The following COL4A6 variants were observed in gnomAD, a reference collection of about 807,000 sequenced individuals.
The protein encoded by COL4A6 is collagen type IV alpha 6 chain.
Under a neutral mutation model 126.7 loss-of-function variants are expected in COL4A6, and 59 were observed. The ratio of observed to expected loss-of-function variants is 0.47; its 90% CI spans 0.38 to 0.58. The LOEUF is 0.58. COL4A6 is among the 20% of genes least tolerant of loss of function. The pLI, the probability that COL4A6 is intolerant of heterozygous loss-of-function variation, is 0.00. For synonymous variants in COL4A6, 547 were observed against 496.6 expected (o/e 1.10, Z -1.35); for missense variants, 1,285 against 1,337.3 (o/e 0.96, Z 0.61).
At chrX:108,416,259 G>A (rs1478871414) in intron 2 of COL4A6, among the ~76,000 whole-genome samples, 1 of 111,429 alleles carries the variant, frequency 9.0e-6, no homozygotes, top group Non-Finnish European at 1.9e-5. Context: ...TTTGCAAAAT[G>A]GAATAATAAT....
intron 2 of COL4A6, among the ~76,000 whole-genome samples, chrX:108,343,995 GT>G (rs915569493): frequency 1.0e-4 from 11 of 108,893 alleles, no homozygotes; most frequent in African/African-American, 2.0e-4. Flanking sequence ...AAAATTGCAT[GT>G]TTTTTTTTCC....
chrX:108,248,916 G>T (rs975460154), intron 3 of COL4A6, among the ~76,000 whole-genome samples: 2 of 109,846 alleles, frequency 1.8e-5, no homozygotes, highest in African/African-American at 6.6e-5. Context: ...ACACTACTGT[G>T]AACTGCACAT....
chrX:108,417,588 A>G (rs2041458382), intron 2 of COL4A6, among the ~76,000 whole-genome samples: 1 of 111,598 alleles, frequency 9.0e-6, no homozygotes, highest in Non-Finnish European at 1.9e-5. Context: ...CTACCAAATT[A>G]TTGTTCTTTG....
intron 33 of COL4A6, among the ~76,000 whole-genome samples, 177 bp from the exon 34 acceptor site, chrX:108,171,094 A>C (rs1050459438): frequency 2.7e-5 from 3 of 112,540 alleles, no homozygotes; most frequent in African/African-American, 9.7e-5. Context: ...GAAGCAAGTA[A>C]ATTTGTTATG....
intron 2 of COL4A6, among the ~76,000 whole-genome samples, chrX:108,381,501 C>T (rs1286735727): frequency 8.9e-6 from 1 of 111,974 alleles, no homozygotes; most frequent in Non-Finnish European, 1.9e-5. Context: ...ATAATTATAT[C>T]AATACTTTCA....
intron 2 of COL4A6, among the ~76,000 whole-genome samples, chrX:108,348,499 C>T (rs2039765267): frequency 9.0e-6 from 1 of 111,641 alleles, no homozygotes; most frequent in Non-Finnish European, 1.9e-5. Context: ...CATGAGTTTT[C>T]TAAATTTCCT....
chrX:108,279,521 T>C (rs918131669), intron 3 of COL4A6, among the ~76,000 whole-genome samples: 52 of 111,562 alleles, frequency 4.7e-4, no homozygotes, highest in Non-Finnish European at 3.8e-5. Flanking sequence ...CAAAGAGACT[T>C]AGATTCCCAC....
Position 108,173,461 on chromosome X carries a change from GGTGTGTGTGTGTGT to G in COL4A6, c.3139-943_3139-930del, listed in dbSNP as rs56782024. 6.9e-5 allele frequency among the ~76,000 whole-genome samples: 7 copies of G among 101,094 alleles called. No individual in the cohort carries two copies. In the South Asian group the frequency reaches 1.9e-3, roughly 27 times the overall value. 87.8% of individuals were successfully genotyped at this position (101,094 alleles called of 115,157 possible). A position where few individuals can be genotyped will look rare whatever the true frequency, so the allele number is the denominator to read the frequency against. ...GAACTATTTATTTTCAATTGCTTCA[GGTGTGTGTGTGTGT>G]GTGTGTGTGTGTGTGTGTGTGTGCA... On this transcript the variant is annotated intron_variant, in intron 31 of 44. Coordinates refer to ENST00000334504, the MANE Select transcript of COL4A6 (RefSeq NM_033641.4).
chrX:108,400,157 C>A (rs1009845572), intron 2 of COL4A6, among the ~76,000 whole-genome samples: 7 of 111,660 alleles, frequency 6.3e-5, no homozygotes, highest in Middle Eastern at 4.6e-3. Flanking sequence ...GAAGTGATTT[C>A]TTTGCCCTCT....
intron 2 of COL4A6, among the ~76,000 whole-genome samples, chrX:108,365,456 A>C (rs1348388985): frequency 8.9e-6 from 1 of 111,841 alleles, no homozygotes; most frequent in Non-Finnish European, 1.9e-5. Flanking sequence ...TTTTGTACCC[A>C]CAGTGGCTTA....
chrX:108,249,288 T>C (rs761255325), intron 3 of COL4A6, among the ~76,000 whole-genome samples: 1 of 110,621 alleles, frequency 9.0e-6, no homozygotes, highest in African/African-American at 3.3e-5. Flanking sequence ...ACTTCCTGAA[T>C]AAACTGCTTG....
chrX:108,174,505 G>A lies in COL4A6; in HGVS notation c.3073C>T (p.Arg1025Trp), dbSNP rs747433163. 5.1e-5 allele frequency: 62 copies of A among 1,209,211 alleles called. No homozygotes were observed. The highest frequency in any genetic ancestry group is 2.3e-4 in the Middle Eastern group (1 of 4,343). ...KPGPPGFMGI[R>W]GLPGLKGSSG... Reference sequence around the variant, plus strand: ...GACCCCTTCAGGCCAGGTAAGCCCCGGATTCCCATGAAGCCAGGGGGCCCT... The same window carrying A: ...GACCCCTTCAGGCCAGGTAAGCCCCAGATTCCCATGAAGCCAGGGGGCCCT... The change falls in exon 31 of 45, where the codon CGG (arginine) becomes TGG (tryptophan). Residue 1025 changes from arginine to tryptophan, a missense_variant. Transcript: ENST00000334504.
At chrX:108,319,349 CCT>C (rs2038965625) in intron 2 of COL4A6, among the ~76,000 whole-genome samples, 1 of 111,507 alleles carries the variant, frequency 9.0e-6, no homozygotes, top group Non-Finnish European at 1.9e-5. Context: ...AGAGTGAGAC[CCT>C]CTCTAAAAAA....
intron 2 of COL4A6, among the ~76,000 whole-genome samples, chrX:108,415,668 TTTCTTAAAG>T (rs1326384552): frequency 1.8e-5 from 2 of 111,829 alleles, no homozygotes; most frequent in Non-Finnish European, 3.8e-5. Context: ...TGAGAATGAG[TTTCTTAAAG>T]TTCACTCTGG....
At chrX:108,191,783 C>A (rs780113880) in intron 18 of COL4A6, among the ~76,000 whole-genome samples, 1 of 111,581 alleles carries the variant, frequency 9.0e-6, no homozygotes, top group South Asian at 3.8e-4. Context: ...AGAGGAAAAT[C>A]TGGGTCTCTA....
At chrX:108,412,234 T>C (rs968005808) in intron 2 of COL4A6, among the ~76,000 whole-genome samples, 2 of 112,338 alleles carry the variant, frequency 1.8e-5, no homozygotes, top group Non-Finnish European at 3.8e-5. Flanking sequence ...ACAAGTATTA[T>C]ATGTAAATAC....
At chrX:108,366,708 C>T (rs1013084805) in intron 2 of COL4A6, among the ~76,000 whole-genome samples, 1 of 111,888 alleles carries the variant, frequency 8.9e-6, no homozygotes, top group African/African-American at 3.2e-5. Context: ...CTCCCTGAGG[C>T]CTTGCTATTG....
chrX:108,397,052 A>G (rs1215056666), intron 2 of COL4A6, among the ~76,000 whole-genome samples: 1 of 112,142 alleles, frequency 8.9e-6, no homozygotes, highest in Non-Finnish European at 1.9e-5. Context: ...TGTCTTACAC[A>G]TCGTATCTTC....
Position 108,181,109 on chromosome X carries a change from C to T in COL4A6, c.1952-141G>A, listed in dbSNP as rs2034673386. On this transcript the variant is annotated intron_variant, in intron 23 of 44. Coordinates refer to ENST00000334504, the MANE Select transcript of COL4A6 (RefSeq NM_033641.4). ...CAGCTGGGAGCCCACACTGGAAAAC[C>T]TTGGCATCATTAGCTCTGGGGAGTT... 6.0e-6 allele frequency: 3 copies of T among 502,882 alleles called. No individual in the cohort carries two copies. The East Asian group carries it at 1.1e-4, about 19-fold the overall frequency. The allele number at this position is 502,882 out of a possible 1,213,427, so 41.4% of individuals were successfully genotyped here. A position where few individuals can be genotyped will look rare whatever the true frequency, so the allele number is the denominator to read the frequency against.
Sources: allele counts gnomAD v4.1 joint callset (sites outside exome capture counted in the v4.1 genomes callset), GRCh38; gene constraint gnomAD v4.1.1; transcripts MANE v1.5; gene names NCBI Gene and HGNC (gene_info 2026-07-23, HGNC 2026-07-21).